The following RSPO3 variants were observed in gnomAD, a reference collection of about 807,000 sequenced individuals.
RSPO3 encodes the protein R-spondin 3, also known as R-spondin-3.
In RSPO3, 17 loss-of-function variants were observed where a neutral mutation model predicts 36.5. That is an observed-to-expected ratio of 0.47 (90% CI 0.32 to 0.70). The LOEUF is 0.70. Among genes scored for constraint, RSPO3 ranks in the 30% least tolerant of loss-of-function variants. The pLI is 0.04. For synonymous variants in RSPO3, 108 were observed against 107.0 expected, an observed-to-expected ratio of 1.01 and a Z score of -0.06; for missense variants, 294 against 322.5, an observed-to-expected ratio of 0.91 and a Z score of 0.68.
At chr6:127,148,200 C>T (rs1334673146) in intron 1 of RSPO3, among the ~76,000 whole-genome samples, 2 of 151,968 alleles carry the variant, frequency 1.3e-5, no homozygotes, top group South Asian at 2.1e-4. Context: ...GCTTATCCTC[C>T]ATTACATAAA....
intron 4 of RSPO3, among the ~76,000 whole-genome samples, chr6:127,181,808 G>C (rs770215919): frequency 1.3e-5 from 2 of 151,858 alleles, no homozygotes; most frequent in Admixed American, 6.6e-5. Flanking sequence ...CTGGAGATAA[G>C]GGAATGGCTT....
intron 1 of RSPO3, among the ~76,000 whole-genome samples, chr6:127,147,513 T>C (rs1302920552): frequency 6.6e-6 from 1 of 152,116 alleles, no homozygotes; most frequent in African/African-American, 2.4e-5. Context: ...TAGCAATATA[T>C]TTGAGTGGAG....
At chr6:127,146,299 GA>G (rs5879839) in intron 1 of RSPO3, among the ~76,000 whole-genome samples, 69,959 of 149,722 alleles carry the variant, frequency 0.47, 16,369 homozygotes, top group Non-Finnish European at 0.52. Flanking sequence ...GTCATTATAT[GA>G]AAAAAAAAAG....
At position 127,119,202 on chromosome 6, in the gene RSPO3, C is replaced by A. The variant is rs763628760; in HGVS notation, c.10C>A (p.Arg4=). The A allele has an allele frequency of 3.1e-5, 50 of 1,612,330 alleles. No individual in the cohort carries two copies. The highest frequency in any genetic ancestry group is 3.4e-5 in the Non-Finnish European group (40 of 1,178,448). The change falls in exon 1 of 5, where the codon CGA becomes AGA. Residue 4 remains arginine, a synonymous_variant. Transcript: ENST00000356698. ...GCATTACTGGGTTACTATGCACTTGCGACTGATTTCTTGGCTTTTTATCAT... is the reference window on the plus strand; with the variant it reads ...GCATTACTGGGTTACTATGCACTTGAGACTGATTTCTTGGCTTTTTATCAT... MHL[R]LISWLFIILN...
chr6:127,128,495 G>T (rs1773986799), intron 1 of RSPO3, among the ~76,000 whole-genome samples: 1 of 152,084 alleles, frequency 6.6e-6, no homozygotes, highest in Admixed American at 6.6e-5. Flanking sequence ...CCAAGACTGA[G>T]AAATATTGTA....
At chr6:127,147,980 A>T (rs1192249043) in intron 1 of RSPO3, among the ~76,000 whole-genome samples, 3 of 152,184 alleles carry the variant, frequency 2.0e-5, no homozygotes. Context: ...ACTGGCAATT[A>T]TTAAGCTCGT....
chr6:127,191,420 C>T (rs542047438), intron 4 of RSPO3, among the ~76,000 whole-genome samples: 61 of 152,228 alleles, frequency 4.0e-4, no homozygotes, highest in South Asian at 3.1e-3. Flanking sequence ...GAATCATAAT[C>T]TCCAAGGGTG....
At chr6:127,179,395 T>G (rs948993693) in intron 4 of RSPO3, among the ~76,000 whole-genome samples, 1 of 151,848 alleles carries the variant, frequency 6.6e-6, no homozygotes, top group African/African-American at 2.4e-5. Context: ...CCAAATTTGC[T>G]GGAACAAAGT....
At position 127,184,866 on chromosome 6, in the gene RSPO3, T is replaced by C. The variant is rs559872986; in HGVS notation, c.635-10957T>C. The stretch of plus-strand genomic sequence containing the variant: ...TGATACTTAAAATTCACCCCAAAAA[T>C]AGAACTTTTCCATCAGTGGTGGAAA... On this transcript the variant is annotated intron_variant, in intron 4 of 4. Transcript: ENST00000356698. Among the ~76,000 whole-genome samples, 10 of 152,000 alleles carry C rather than the reference T, an allele frequency of 6.6e-5. No individual in the cohort carries two copies. In the South Asian group the frequency reaches 1.7e-3, roughly 25 times the overall value.
chr6:127,148,658 C>G lies in RSPO3; in HGVS notation c.108C>G (p.Asn36Lys). 6.2e-7 allele frequency: 1 copy of G among 1,611,736 alleles called. No individual in the cohort carries two copies. The highest frequency in any genetic ancestry group is 8.5e-7 in the Non-Finnish European group (1 of 1,178,544). ...RGRRQRRMHP[N>K]VSQGCQGGCA... ...CATTTGTCTCCACAGTGCATCCTAA[C>G]GTTAGTCAAGGCTGCCAAGGAGGCT... The change falls in exon 2 of 5, where the codon AAC becomes AAG. Residue 36 changes from asparagine to lysine, a missense_variant. By Grantham distance (94) the Asn-to-Lys change is moderately conservative (BLOSUM62 0). Around this residue, in one of 3 missense-constraint regions of RSPO3, gnomAD observed 61 missense variants for 51.3 expected, o/e 1.19. Coordinates refer to ENST00000356698, the MANE Select transcript of RSPO3 (RefSeq NM_032784.5).
intron 4 of RSPO3, among the ~76,000 whole-genome samples, chr6:127,187,382 T>C (rs998804087): frequency 6.6e-6 from 1 of 152,186 alleles, no homozygotes; most frequent in Admixed American, 6.6e-5. Context: ...AGTATCCTAT[T>C]CAGGGTCATT....
intron 4 of RSPO3, among the ~76,000 whole-genome samples, chr6:127,180,420 A>G (rs867606512): frequency 5.3e-5 from 8 of 150,768 alleles, no homozygotes; most frequent in Middle Eastern, 3.4e-3. Flanking sequence ...CAACAGGAAT[A>G]AAAGACCAGC....
rs577946956 is a variant in RSPO3 at position 127,144,970 on chromosome 6, A to T, written c.98-3678A>T. On this transcript the variant is annotated intron_variant, in intron 1 of 4. Coordinates refer to ENST00000356698, the MANE Select transcript of RSPO3 (RefSeq NM_032784.5). ...ATTAAGTAGCCACCATCAGAGACTC[A>T]TGTGTGCATCTCCAACAGCCACTCC... Among the ~76,000 whole-genome samples the T allele has an allele frequency of 1.4e-4, 22 of 152,114 alleles. 1 individual carries two copies. In the South Asian group the frequency reaches 3.9e-3, roughly 27 times the overall value.
At chr6:127,171,017 G>A (rs927649807) in intron 4 of RSPO3, among the ~76,000 whole-genome samples, 4 of 151,622 alleles carry the variant, frequency 2.6e-5, no homozygotes, top group South Asian at 4.2e-4. Context: ...ACTTAAAAAT[G>A]GTTAAGGTAG....
intron 4 of RSPO3, among the ~76,000 whole-genome samples, chr6:127,164,717 T>C (rs1457521748): frequency 6.6e-6 from 1 of 152,082 alleles, no homozygotes; most frequent in East Asian, 1.9e-4. Flanking sequence ...TGCTTGATTA[T>C]GCACAAGGCC....
At chr6:127,162,570 C>A (rs914112852) in intron 4 of RSPO3, among the ~76,000 whole-genome samples, 1 of 152,094 alleles carries the variant, frequency 6.6e-6, no homozygotes, top group Non-Finnish European at 1.5e-5. Flanking sequence ...GGCCAAGATA[C>A]CTTCATACGC....
intron 2 of RSPO3, among the ~76,000 whole-genome samples, chr6:127,149,523 G>A (rs1358769199): frequency 6.6e-6 from 1 of 151,952 alleles, no homozygotes; most frequent in Non-Finnish European, 1.5e-5. Context: ...TGCATAGCTG[G>A]CTGTCTTATA....
chr6:127,138,879 A>T (rs552437100), intron 1 of RSPO3, among the ~76,000 whole-genome samples: 27 of 152,340 alleles, frequency 1.8e-4, no homozygotes, highest in African/African-American at 5.8e-4. Flanking sequence ...GCTAGAAAAC[A>T]TGACAACTAG....
rs1031615693 is a variant in RSPO3, at chr6:127,198,355, C to T, written c.*2348C>T. ...GATAACATCAATTTTAACTGTAATT[C>T]TCCATCCACCAGTAACAGATCCTTA... On this transcript the variant is annotated 3_prime_UTR_variant, in exon 5 of 5. Transcript: ENST00000356698. Among the ~76,000 whole-genome samples the T allele has an allele frequency of 2.0e-5, 3 of 152,176 alleles. No individual in the cohort carries two copies. Among genetic ancestry groups the T allele is most frequent in the African/African-American group, 7.2e-5 (3 of 41,432 alleles).
Sources: allele counts gnomAD v4.1 joint callset (sites outside exome capture counted in the v4.1 genomes callset), GRCh38; gene constraint gnomAD v4.1.1; regional missense constraint gnomAD v4.1.1; transcripts MANE v1.5; gene names NCBI Gene and HGNC (gene_info 2026-07-23, HGNC 2026-07-21).